The following ENTREP1 variants were observed in gnomAD, a reference collection of about 807,000 sequenced individuals.
ENTREP1 encodes endosomal transmembrane epsin interactor 1.
the ENTREP1 span, chr9:69,375,812 C>T: frequency 6.2e-7 from 1 of 1,613,830 alleles, no homozygotes; most frequent in Non-Finnish European, 8.5e-7. Flanking sequence ...AAAGAAAATG[C>T]CTTGAAACTC....
At chr9:69,377,181 G>T in the ENTREP1 span, among the ~76,000 whole-genome samples, 5 of 152,278 alleles carry the variant, frequency 3.3e-5, no homozygotes, top group Non-Finnish European at 5.9e-5. Flanking sequence ...TTGCATGAGG[G>T]TCATAATAAT....
the ENTREP1 span, among the ~76,000 whole-genome samples, chr9:69,335,096 T>A: frequency 6.6e-6 from 1 of 152,136 alleles, no homozygotes; most frequent in Non-Finnish European, 1.5e-5. Context: ...GCTCGTTTTT[T>A]ATTGAAGTGT....
the ENTREP1 span, chr9:69,325,003 A>T: frequency 1.0e-6 from 1 of 984,856 alleles, no homozygotes; most frequent in Non-Finnish European, 1.2e-6. Context: ...TTCGGCGGGG[A>T]CCCTGAGGCT....
chr9:69,387,972 C>G, the ENTREP1 span: 3 of 1,536,676 alleles, frequency 2.0e-6, no homozygotes, highest in Non-Finnish European at 2.6e-6. Flanking sequence ...CCTATTGGAA[C>G]TGGACTTCAG....
the ENTREP1 span, chr9:69,391,979 G>A: frequency 7.9e-6 from 5 of 636,122 alleles, no homozygotes; most frequent in Admixed American, 2.9e-5. Flanking sequence ...TGCACAGGTC[G>A]GTCCAGGCCC....
the ENTREP1 span, among the ~76,000 whole-genome samples, chr9:69,328,432 T>A: frequency 4.6e-5 from 7 of 152,146 alleles, no homozygotes; most frequent in Admixed American, 2.6e-4. Context: ...TCAACAAATG[T>A]AGAAAGAAGG....
the ENTREP1 span, among the ~76,000 whole-genome samples, chr9:69,335,857 G>GCCTGTAGTCCTGACGTGCA: frequency 6.6e-6 from 1 of 152,366 alleles, no homozygotes; most frequent in South Asian, 2.1e-4. Flanking sequence ...CCTGACGTGC[G>GCCTGTAGTCCTGACGTGCA]CCTGTAGTCC....
At chr9:69,367,020 A>G in the ENTREP1 span, among the ~76,000 whole-genome samples, 2 of 152,050 alleles carry the variant, frequency 1.3e-5, no homozygotes, top group African/African-American at 4.8e-5. Context: ...AGGCTCAAGC[A>G]ATACTCCCAC....
the ENTREP1 span, among the ~76,000 whole-genome samples, chr9:69,343,822 T>C: frequency 6.6e-6 from 1 of 152,200 alleles, no homozygotes; most frequent in Non-Finnish European, 1.5e-5. Flanking sequence ...GAGATAAAGA[T>C]AAGGGAAGCA....
At chr9:69,358,062 GGCAGTTAGA>G in the ENTREP1 span, among the ~76,000 whole-genome samples, 32 of 152,300 alleles carry the variant, frequency 2.1e-4, no homozygotes, top group Admixed American at 1.1e-3. Context: ...CGTGTTAAAT[GGCAGTTAGA>G]GTCTCAGCAA....
the ENTREP1 span, among the ~76,000 whole-genome samples, chr9:69,357,687 A>G: frequency 5.1e-4 from 77 of 152,234 alleles, 1 homozygote; most frequent in East Asian, 0.015. Flanking sequence ...AGCTCCTGAA[A>G]TAGGTTGAGA....
chr9:69,350,340 C>G, the ENTREP1 span, among the ~76,000 whole-genome samples: 1 of 152,016 alleles, frequency 6.6e-6, no homozygotes, highest in Non-Finnish European at 1.5e-5. Flanking sequence ...ACTCTTTTTC[C>G]CCTTTGAATT....
the ENTREP1 span, among the ~76,000 whole-genome samples, chr9:69,368,867 G>T: frequency 1.3e-5 from 2 of 151,934 alleles, no homozygotes; most frequent in African/African-American, 4.8e-5. Flanking sequence ...TAAGTTCTGG[G>T]ATACATGTGC....
At chr9:69,366,857 G>T in the ENTREP1 span, among the ~76,000 whole-genome samples, 5 of 151,796 alleles carry the variant, frequency 3.3e-5, no homozygotes, top group South Asian at 1.0e-3. Flanking sequence ...TAAATATTTG[G>T]ATTTATTTCT....
At chr9:69,330,281 T>C in the ENTREP1 span, among the ~76,000 whole-genome samples, 2 of 152,172 alleles carry the variant, frequency 1.3e-5, no homozygotes, top group Non-Finnish European at 2.9e-5. Context: ...CTCTCCTCCT[T>C]CAGAAACAAA....
chr9:69,325,131 A>C, the ENTREP1 span: 1 of 1,036,504 alleles, frequency 9.6e-7, no homozygotes, highest in African/African-American at 1.7e-5. Context: ...GGCCGGCTGG[A>C]GCCAGGGCAG....
At chr9:69,383,404 G>A in the ENTREP1 span, 1 of 1,352,148 alleles carries the variant, frequency 7.4e-7, no homozygotes, top group Non-Finnish European at 9.5e-7. Flanking sequence ...GGGTTTAAAA[G>A]CAATGATGGG....
the ENTREP1 span, among the ~76,000 whole-genome samples, chr9:69,340,721 GCA>G: frequency 4.1e-5 from 3 of 73,232 alleles, no homozygotes; most frequent in Admixed American, 1.4e-4. Context: ...GTGTGTGCAT[GCA>G]TGTGTGTGTG....
the ENTREP1 span, chr9:69,377,285 T>G: frequency 4.7e-6 from 4 of 856,782 alleles, no homozygotes; most frequent in Non-Finnish European, 8.1e-6. Flanking sequence ...GGAGGCAGCG[T>G]TATTATTATT....
Sources: gnomAD v4.1 joint callset for allele counts (sites outside exome capture counted in the v4.1 genomes callset) on GRCh38, gnomAD v4.1.1 for gene constraint, MANE v1.5 for transcripts, NCBI Gene and HGNC (gene_info 2026-07-23, HGNC 2026-07-21) for gene names.